C2orf42: variants seen among roughly 807,000 people sequenced by gnomAD.
The protein encoded by C2orf42 is uncharacterized protein C2orf42.
Under a neutral mutation model 58.9 loss-of-function variants are expected in C2orf42, and 44 were observed. The observed-to-expected ratio is 0.75, with a 90% CI of 0.59 to 0.96. The LOEUF (loss-of-function observed/expected upper bound fraction) is 0.96. Ranked by LOEUF, C2orf42 falls within the 40% of genes least tolerant of loss-of-function variation. The pLI, the probability that C2orf42 is intolerant of heterozygous loss-of-function variation, is 0.00. For missense variants in C2orf42, 630 were observed against 699.2 expected (o/e 0.90, Z 1.12); for synonymous variants, 239 against 265.4 (o/e 0.90, Z 0.97).
At chr2:70,184,030 C>A (rs778245616) in intron 1 of C2orf42, among the ~76,000 whole-genome samples, 1 of 152,006 alleles carries the variant, frequency 6.6e-6, no homozygotes, top group Non-Finnish European at 1.5e-5. Context: ...AGGCTGGTCT[C>A]GAACTCCTGG....
chr2:70,164,567 G>A (rs531667705), intron 8 of C2orf42, among the ~76,000 whole-genome samples: 2 of 152,098 alleles, frequency 1.3e-5, no homozygotes, highest in African/African-American at 2.4e-5. Flanking sequence ...GGGAGGCAGA[G>A]GTTGCAGTGA....
chr2:70,178,215 T>C (rs1377853288), intron 4 of C2orf42, among the ~76,000 whole-genome samples: 1 of 152,210 alleles, frequency 6.6e-6, no homozygotes, highest in Non-Finnish European at 1.5e-5. Flanking sequence ...TTGTTTAGAC[T>C]CTAGGTCTCT....
chr2:70,184,001 G>C (rs1674760126), intron 1 of C2orf42, among the ~76,000 whole-genome samples: 1 of 151,886 alleles, frequency 6.6e-6, no homozygotes, highest in African/African-American at 2.4e-5. Flanking sequence ...GTAGAGACAG[G>C]GGTCTCACTT....
chr2:70,150,389 TTCCAAGGGCTGG>T lies in C2orf42; in HGVS notation c.1680_1691del (p.Asp560_Leu563del), dbSNP rs769132804. The stretch of plus-strand genomic sequence containing the variant: ...AAGTAATAGTGGTCAGAGGGGCCAG[TTCCAAGGGCTGG>T]TCCAAGGGGGGCCGCTGGTCTTGGT... On this transcript the variant is annotated inframe_deletion, in exon 10 of 10. Coordinates refer to ENST00000264434, the MANE Select transcript of C2orf42 (RefSeq NM_017880.3). 2 of 1,613,974 alleles carry T rather than the reference TTCCAAGGGCTGG, an allele frequency of 1.2e-6. No homozygotes were observed. Among genetic ancestry groups the T allele is most frequent in the Non-Finnish European group, 1.7e-6 (2 of 1,180,024 alleles).
intron 1 of C2orf42, chr2:70,190,681 G>A (rs1050641765): frequency 6.6e-6 from 1 of 152,252 alleles, no homozygotes; most frequent in East Asian, 1.9e-4. Flanking sequence ...CCCGACTCCG[G>A]GACGCTCACC....
intron 8 of C2orf42, 67 bp from the exon 9 acceptor site, chr2:70,160,854 T>C: frequency 1.0e-6 from 1 of 960,658 alleles, no homozygotes; most frequent in South Asian, 1.9e-5. Context: ...AATACCTGGA[T>C]GACGACAAAT....
chr2:70,186,781 T>G lies in C2orf42; in HGVS notation c.-281-3846A>C, dbSNP rs540084073. On this transcript the variant is annotated intron_variant, in intron 1 of 9. Transcript: ENST00000264434. Reference sequence around the variant, plus strand: ...TGGAATACTATGCAGCCATAAAAAATGATGAGTTCATGTCCTTTGTAGGGA... The same window carrying G: ...TGGAATACTATGCAGCCATAAAAAAGGATGAGTTCATGTCCTTTGTAGGGA... Among the ~76,000 whole-genome samples the G allele has an allele frequency of 2.2e-4, 33 of 152,202 alleles. 2 individuals are homozygous for G. Among genetic ancestry groups the G allele is most frequent in the African/African-American group, 7.9e-4 (33 of 41,550 alleles).
intron 9 of C2orf42, among the ~76,000 whole-genome samples, chr2:70,151,378 G>A (rs970585026): frequency 2.0e-5 from 3 of 152,046 alleles, no homozygotes; most frequent in Non-Finnish European, 4.4e-5. Context: ...GCTTACACCT[G>A]TAATTCCAGC....
intron 6 of C2orf42, 87 bp downstream of exon 6, chr2:70,169,470 A>G: frequency 1.6e-6 from 1 of 635,480 alleles, no homozygotes; most frequent in South Asian, 2.1e-5. Context: ...AAGTCCAATT[A>G]CTTTTCCTAT....
chr2:70,153,905 A>C lies in C2orf42; in HGVS notation c.1517-3341T>G, dbSNP rs1373246761. ...AAACCCCGTCTTTACTAAAAATACA[A>C]AAATTAGCTGGGCGTGGTGGCGGGC... On this transcript the variant is annotated intron_variant, in intron 9 of 9. Coordinates refer to ENST00000264434, the MANE Select transcript of C2orf42 (RefSeq NM_017880.3). 3.3e-5 allele frequency among the ~76,000 whole-genome samples: 5 copies of C among 151,416 alleles called. No homozygotes were observed. The East Asian group carries it at 6.0e-4, about 18-fold the overall frequency.
intron 4 of C2orf42, among the ~76,000 whole-genome samples, chr2:70,176,143 G>T (rs1276453559): frequency 1.3e-5 from 2 of 152,186 alleles, no homozygotes; most frequent in African/African-American, 4.8e-5. Context: ...TTAGCAAAAA[G>T]AAAATGTTCT....
At chr2:70,185,796 C>T (rs1006662267) in intron 1 of C2orf42, among the ~76,000 whole-genome samples, 18 of 149,724 alleles carry the variant, frequency 1.2e-4, no homozygotes, top group South Asian at 4.2e-4. Context: ...TACACACACA[C>T]ATATATATAT....
chr2:70,153,893 A>G (rs1672472338), intron 9 of C2orf42, among the ~76,000 whole-genome samples: 1 of 150,670 alleles, frequency 6.6e-6, no homozygotes, highest in South Asian at 2.1e-4. Flanking sequence ...CCCCGTCTTT[A>G]CTAAAAATAC....
intron 1 of C2orf42, among the ~76,000 whole-genome samples, chr2:70,184,510 CAG>C (rs149918677): frequency 0.42 from 46,314 of 111,416 alleles, 10,874 homozygotes; most frequent in African/African-American, 0.55. Flanking sequence ...TTTTTTGAGA[CAG>C]AGTCTCACTC....
chr2:70,178,015 G>A (rs142208983), intron 4 of C2orf42, among the ~76,000 whole-genome samples: 20 of 152,260 alleles, frequency 1.3e-4, no homozygotes, highest in African/African-American at 4.8e-4. Context: ...ACTCCAGCTT[G>A]GGCAACAGAG....
intron 5 of C2orf42, among the ~76,000 whole-genome samples, chr2:70,173,617 T>C (rs1483753259): frequency 2.0e-5 from 3 of 151,728 alleles, no homozygotes; most frequent in Non-Finnish European, 4.4e-5. Context: ...AGTATTGTTT[T>C]ATATTATTCT....
chr2:70,189,715 C>CAA (rs35750741), intron 1 of C2orf42, among the ~76,000 whole-genome samples: 90 of 72,296 alleles, frequency 1.2e-3, no homozygotes, highest in South Asian at 3.7e-3. Context: ...GACTCCGTCT[C>CAA]AAAAAAAAAA....
At chr2:70,158,136 G>T (rs1672801725) in intron 9 of C2orf42, among the ~76,000 whole-genome samples, 1 of 151,428 alleles carries the variant, frequency 6.6e-6, no homozygotes, top group African/African-American at 2.4e-5. Flanking sequence ...GAGATGGAGG[G>T]TGTAGTGAGC....
At chr2:70,176,208 T>C (rs966881274) in intron 4 of C2orf42, among the ~76,000 whole-genome samples, 2 of 152,226 alleles carry the variant, frequency 1.3e-5, no homozygotes, top group African/African-American at 4.8e-5. Flanking sequence ...ATGTCACAAA[T>C]ATTGCATGGA....
Sources: gnomAD v4.1 joint callset for allele counts (sites outside exome capture counted in the v4.1 genomes callset) on GRCh38, gnomAD v4.1.1 for gene constraint, MANE v1.5 for transcripts, NCBI Gene and HGNC (gene_info 2026-07-23, HGNC 2026-07-21) for gene names.